The following RAB11FIP3 variants were observed in gnomAD, a reference collection of about 807,000 sequenced individuals.
RAB11FIP3 encodes RAB11 family interacting protein 3.
A neutral mutation model predicts 77.8 loss-of-function variants in RAB11FIP3; 17 were observed. That is an observed-to-expected ratio of 0.22 (90% CI 0.15 to 0.33). The LOEUF is 0.33. RAB11FIP3 is among the 10% of genes least tolerant of loss of function. RAB11FIP3 has a pLI of 1.00. For synonymous variants in RAB11FIP3, 437 were observed against 448.2 expected, an observed-to-expected ratio of 0.98 and a Z score of 0.31; for missense variants, 1,005 against 1,011.2, an observed-to-expected ratio of 0.99 and a Z score of 0.08.
At chr16:485,058 G>T (rs1180833966) in intron 4 of RAB11FIP3, among the ~76,000 whole-genome samples, 2 of 152,086 alleles carry the variant, frequency 1.3e-5, no homozygotes, top group Admixed American at 1.3e-4. Flanking sequence ...CTTTTGTCAG[G>T]GTGGGAGCTC....
At position 461,673 on chromosome 16, in the gene RAB11FIP3, C is replaced by G. The variant is rs1232564889; in HGVS notation, c.808+176C>G. ...CTTTCCTTTCTTGTTACCTTCTCCTCACATACCCTGTTTTCCAGAATTTGC... is the reference window on the plus strand; with the variant it reads ...CTTTCCTTTCTTGTTACCTTCTCCTGACATACCCTGTTTTCCAGAATTTGC... On this transcript the variant is annotated intron_variant, in intron 2 of 13. Transcript: ENST00000262305. The surrounding 1 kb of genome is among the most constrained non-coding windows in gnomAD (Gnocchi z 4.5). Among the ~76,000 whole-genome samples, 1 of 152,132 alleles carries G rather than the reference C, an allele frequency of 6.6e-6. No homozygotes were observed. Among genetic ancestry groups the G allele is most frequent in the African/African-American group, 2.4e-5 (1 of 41,438 alleles).
intron 6 of RAB11FIP3, among the ~76,000 whole-genome samples, chr16:498,732 TG>T (rs2031315657): frequency 1.3e-5 from 2 of 152,056 alleles, no homozygotes; most frequent in African/African-American, 4.8e-5. Flanking sequence ...CTTGAACTCC[TG>T]GGCTCTAGCA....
chr16:468,261 T>TCCTTGGGC (rs2055749285), intron 2 of RAB11FIP3, among the ~76,000 whole-genome samples: 13 of 118,622 alleles, frequency 1.1e-4, no homozygotes, highest in East Asian at 2.6e-4. Flanking sequence ...AGGGAGGAGG[T>TCCTTGGGC]GCAGGGAAGT....
At chr16:493,251 CAAA>C (rs71139788) in intron 5 of RAB11FIP3, among the ~76,000 whole-genome samples, 129 of 102,418 alleles carry the variant, frequency 1.3e-3, no homozygotes, top group Non-Finnish European at 1.1e-3. Flanking sequence ...ACTCTGACTC[CAAA>C]AAAAAAAAAA....
At chr16:468,247 CGTCAGGGAGGAGGTGCAGGGAA>C (rs1555502129) in intron 2 of RAB11FIP3, among the ~76,000 whole-genome samples, 7,490 of 115,486 alleles carry the variant, frequency 0.065, 247 homozygotes, top group East Asian at 0.073. Flanking sequence ...GGTGCTGGGG[CGTCAGGGAGGAGGTGCAGGGAA>C]GTCAGGGAGG....
chr16:479,930 C>T (rs1013601804), intron 3 of RAB11FIP3, among the ~76,000 whole-genome samples: 4 of 150,998 alleles, frequency 2.6e-5, no homozygotes, highest in African/African-American at 7.3e-5. Context: ...ACAACAACAA[C>T]AAAAATTACT....
rs2031836486 is a variant in RAB11FIP3, at chr16:505,689, C to T, written c.1499+62C>T. On this transcript the variant is annotated intron_variant, in intron 8 of 13. Coordinates refer to ENST00000262305, the MANE Select transcript of RAB11FIP3 (RefSeq NM_014700.4). The surrounding 1 kb of genome is among the most constrained non-coding windows in gnomAD (Gnocchi z 4.0). ...CGCCTCCTGTGCCCGCCTGTCAGCC[C>T]CCATTTACTTCTCTTTACCTCACAC... 9 of 1,372,616 alleles carry T rather than the reference C, an allele frequency of 6.6e-6. No homozygotes were observed. The highest frequency in any genetic ancestry group is 4.2e-5 in the Admixed American group (2 of 47,724). The allele number at this position is 1,372,616 out of a possible 1,614,324, so 85.0% of individuals were successfully genotyped here.
At chr16:501,684 TAGGC>T (rs1354192494) in intron 6 of RAB11FIP3, among the ~76,000 whole-genome samples, 20 of 136,306 alleles carry the variant, frequency 1.5e-4, no homozygotes, top group Non-Finnish European at 1.7e-4. Flanking sequence ...CCCCATTTCA[TAGGC>T]AGGGAAGCTG....
intron 11 of RAB11FIP3, 84 bp from the exon 12 acceptor site, chr16:520,038 C>T (rs1596305368): frequency 2.0e-6 from 3 of 1,533,644 alleles, no homozygotes; most frequent in Non-Finnish European, 1.8e-6. Context: ...GCCAGATCAA[C>T]CCTGAGGTTC....
At chr16:464,897 A>G (rs2055675419) in intron 2 of RAB11FIP3, among the ~76,000 whole-genome samples, 1 of 152,214 alleles carries the variant, frequency 6.6e-6, no homozygotes, top group Non-Finnish European at 1.5e-5. Context: ...AAAAACAAAC[A>G]AAACAAAAAA....
intron 3 of RAB11FIP3, chr16:477,708 G>T: frequency 1.0e-6 from 1 of 977,608 alleles, no homozygotes; most frequent in Non-Finnish European, 1.2e-6. Context: ...GGTTCTGGAT[G>T]TTACAGTGGA....
chr16:431,338 G>C (rs1242862623), intron 1 of RAB11FIP3, among the ~76,000 whole-genome samples: 1 of 151,864 alleles, frequency 6.6e-6, no homozygotes, highest in Non-Finnish European at 1.5e-5. Flanking sequence ...CCACTATCCT[G>C]AGAAAAATAA....
chr16:492,768 C>T (rs115205848), intron 5 of RAB11FIP3, among the ~76,000 whole-genome samples: 1,718 of 152,290 alleles, frequency 0.011, 97 homozygotes, highest in Admixed American at 0.1. Flanking sequence ...CAGGTCTCGT[C>T]TCTCATTTTC....
chr16:520,477 G>T lies in RAB11FIP3; in HGVS notation c.2035G>T (p.Glu679Ter). The part of the protein sequence containing the change: ...RLKQDNRNLK[E>*]QNEELNGQII... Reference sequence around the variant, plus strand: ...CCTTCAGGACAACCGCAACCTGAAGGAGCAGAACGAGGAGCTGAACGGGCA... The same window carrying T: ...CCTTCAGGACAACCGCAACCTGAAGTAGCAGAACGAGGAGCTGAACGGGCA... Residue 679 changes from glutamate to a stop codon, truncating the protein, a stop_gained, in exon 13 of 14, where the codon GAG (glutamate) becomes TAG (stop). Transcript: ENST00000262305. LOFTEE classifies it high-confidence loss of function. 1 of 1,613,574 alleles carries T rather than the reference G, an allele frequency of 6.2e-7. No homozygotes were observed. Among genetic ancestry groups the T allele is most frequent in the Non-Finnish European group, 8.5e-7 (1 of 1,180,018 alleles).
chr16:438,699 T>C (rs1005064125), intron 1 of RAB11FIP3, among the ~76,000 whole-genome samples: 1 of 150,862 alleles, frequency 6.6e-6, no homozygotes, highest in African/African-American at 2.4e-5. Context: ...AATTTTTTTT[T>C]TTTTTTCCTG....
intron 4 of RAB11FIP3, among the ~76,000 whole-genome samples, chr16:483,798 G>A (rs895050613): frequency 3.9e-5 from 6 of 151,924 alleles, no homozygotes; most frequent in African/African-American, 9.7e-5. Flanking sequence ...TTAAGCCGAG[G>A]CATTCCTTTC....
In RAB11FIP3 at chr16:509,746, G is replaced by A. The variant is rs541230101; in HGVS notation, c.1500-914G>A. Reference sequence around the variant, plus strand: ...CAGCCTGGAGGGGACTGGGAGCAGAGTGGGCCCCCCCCCCACTTGTGGCCC... The same window carrying A: ...CAGCCTGGAGGGGACTGGGAGCAGAATGGGCCCCCCCCCCACTTGTGGCCC... On this transcript the variant is annotated intron_variant, in intron 8 of 13. Coordinates refer to ENST00000262305, the MANE Select transcript of RAB11FIP3 (RefSeq NM_014700.4). 1.4e-4 allele frequency among the ~76,000 whole-genome samples: 22 copies of A among 152,226 alleles called. No homozygotes were observed. In the East Asian group the frequency reaches 4.1e-3, roughly 28 times the overall value.
intron 1 of RAB11FIP3, among the ~76,000 whole-genome samples, chr16:433,724 C>T (rs994939138): frequency 4.0e-5 from 6 of 151,424 alleles, no homozygotes; most frequent in Non-Finnish European, 7.4e-5. Flanking sequence ...GGTGTGGTTG[C>T]GGGCGCCTGT....
intron 5 of RAB11FIP3, among the ~76,000 whole-genome samples, chr16:493,729 C>T (rs1228043726): frequency 6.6e-6 from 1 of 150,584 alleles, no homozygotes; most frequent in Non-Finnish European, 1.5e-5. Flanking sequence ...GCCTCAGCCT[C>T]CCGAGTAGCT....
Sources: allele counts gnomAD v4.1 joint callset (sites outside exome capture counted in the v4.1 genomes callset), GRCh38; gene constraint gnomAD v4.1.1; non-coding constraint Gnocchi (gnomAD v3.1); transcripts MANE v1.5; gene names NCBI Gene and HGNC (gene_info 2026-07-23, HGNC 2026-07-21).